COA1: variants seen among roughly 807,000 people sequenced by gnomAD.
COA1 encodes cytochrome c oxidase assembly factor 1 homolog.
COA1 carries 13 observed loss-of-function variants against 16.0 expected under a neutral mutation model. That is an observed-to-expected ratio of 0.81 (90% CI 0.53 to 1.29). The LOEUF (loss-of-function observed/expected upper bound fraction) is 1.29. Ranked by LOEUF, COA1 falls within the 50% of genes most tolerant of loss-of-function variation. The probability of loss-of-function intolerance (pLI) is 0.00; values close to 1 mark genes in which losing one functional copy is unlikely to be tolerated. For synonymous variants in COA1, 65 were observed against 65.7 expected (o/e 0.99, Z 0.05); for missense variants, 179 against 177.0 (o/e 1.01, Z -0.06).
intron 6 of COA1, among the ~76,000 whole-genome samples, chr7:43,633,810 T>G (rs1164400190): frequency 6.6e-6 from 1 of 152,222 alleles, no homozygotes; most frequent in Non-Finnish European, 1.5e-5. Flanking sequence ...AGCCATTTTT[T>G]TTTTCAAATA....
chr7:43,676,171 T>G (rs1196073797), intron 1 of COA1, among the ~76,000 whole-genome samples: 1 of 152,146 alleles, frequency 6.6e-6, no homozygotes, highest in Non-Finnish European at 1.5e-5. Flanking sequence ...TTTCAAAATT[T>G]TAAAAATAGG....
At chr7:43,665,711 A>C (rs889243850) in intron 1 of COA1, 4 of 152,432 alleles carry the variant, frequency 2.6e-5, no homozygotes, top group African/African-American at 7.2e-5. Context: ...GCAGAAGGGG[A>C]AGCAGGCACC....
At chr7:43,643,073 CAGT>C (rs749238600) in intron 4 of COA1, among the ~76,000 whole-genome samples, 34 of 152,300 alleles carry the variant, frequency 2.2e-4, no homozygotes, top group Non-Finnish European at 3.5e-4. Context: ...CATTTGGCCG[CAGT>C]AGAAGCCAGA....
intron 1 of COA1, among the ~76,000 whole-genome samples, chr7:43,684,720 CT>C (rs1349864329): frequency 6.6e-6 from 1 of 152,120 alleles, no homozygotes; most frequent in Non-Finnish European, 1.5e-5. Flanking sequence ...AGTGCATGCT[CT>C]TAACTACCAT....
chr7:43,673,274 T>A (rs118161291), intron 1 of COA1, among the ~76,000 whole-genome samples: 7,269 of 152,280 alleles, frequency 0.048, 247 homozygotes, highest in South Asian at 0.084. Context: ...AACGGTCTAA[T>A]ATCCAGAATC....
rs940563453 is a variant in COA1, at chr7:43,707,146, C to T, written c.-39+22283G>A. Among the ~76,000 whole-genome samples, 8 of 151,494 alleles carry T rather than the reference C, an allele frequency of 5.3e-5. No homozygotes were observed. In the East Asian group the frequency reaches 5.9e-4, roughly 11 times the overall value. On this transcript the variant is annotated intron_variant, in intron 1 of 5. Transcript: ENST00000223336. ...CTGAAGTTGCAGTGAGCCAAGATCA[C>T]GCCACTGCACTCCAGCCTGAGTGAA... is the stretch of plus-strand genomic sequence containing the variant.
intron 1 of COA1, among the ~76,000 whole-genome samples, chr7:43,686,721 GAATT>G (rs141407856): frequency 1.9e-3 from 289 of 152,316 alleles, no homozygotes; most frequent in African/African-American, 5.8e-3. Flanking sequence ...GACTATTCAT[GAATT>G]AATACCTGAA....
chr7:43,647,532 T>TA lies in COA1; in HGVS notation c.115+2dup. ...GGCCGCAGGCGGCTAGCAGGATACTTACTTTGAATGAGGTAATACACAATG... is the reference window on the plus strand; with the variant it reads ...GGCCGCAGGCGGCTAGCAGGATACTTAACTTTGAATGAGGTAATACACAATG... On this transcript the variant is annotated splice_region_variant and intron_variant, in intron 3 of 5. Transcript: ENST00000223336. 1.2e-6 allele frequency: 2 copies of TA among 1,607,060 alleles called. No homozygotes were observed. Among genetic ancestry groups the TA allele is most frequent in the Non-Finnish European group, 1.7e-6 (2 of 1,173,480 alleles).
At chr7:43,636,806 A>C (rs2085948219), downstream of COA1, among the ~76,000 whole-genome samples, 1 of 152,258 alleles carries the variant, frequency 6.6e-6, no homozygotes, top group South Asian at 2.1e-4. Context: ...CTTGAAAGTC[A>C]TACAGGTCTT....
chr7:43,639,568 C>T lies in COA1; in HGVS notation c.*14G>A, dbSNP rs778711047. 6.2e-6 allele frequency: 10 copies of T among 1,609,334 alleles called. 1 individual carries two copies. In the South Asian group the frequency reaches 1.1e-4, roughly 18 times the overall value. ...AGGATGGACTAGAAGCAAGCTGGGT[C>T]TTCTGGGTCGTCTCTACTCCTTTTT... On this transcript the variant is annotated 3_prime_UTR_variant, in exon 6 of 6. Coordinates refer to ENST00000223336, the MANE Select transcript of COA1 (RefSeq NM_018224.4).
chr7:43,716,195 T>C lies in COA1; in HGVS notation c.-39+13234A>G, dbSNP rs530027572. Among the ~76,000 whole-genome samples the C allele has an allele frequency of 9.2e-5, 14 of 152,252 alleles. No homozygotes were observed. In the East Asian group the frequency reaches 9.6e-4, roughly 10 times the overall value. On this transcript the variant is annotated intron_variant, in intron 1 of 5. Transcript: ENST00000223336. ...ATACCCAAAAATGTGGAAGTGACTT[T>C]GGAAGTGAGTAACAAGCAGAGGTTG... is the stretch of plus-strand genomic sequence containing the variant.
chr7:43,670,075 C>T (rs2093162051), intron 1 of COA1, among the ~76,000 whole-genome samples: 1 of 152,028 alleles, frequency 6.6e-6, no homozygotes, highest in African/African-American at 2.4e-5. Flanking sequence ...TAAAGGATTC[C>T]ACTCTTATTT....
intron 5 of COA1, 64 bp downstream of exon 5, chr7:43,640,509 T>G (rs1470260728): frequency 9.3e-7 from 1 of 1,078,338 alleles, no homozygotes; most frequent in Non-Finnish European, 1.4e-6. Flanking sequence ...AAAACGGAGT[T>G]GGGGTTGCTT....
At chr7:43,685,026 G>A (rs2093953890) in intron 1 of COA1, among the ~76,000 whole-genome samples, 1 of 152,046 alleles carries the variant, frequency 6.6e-6, no homozygotes, top group African/African-American at 2.4e-5. Flanking sequence ...GCTCACACCT[G>A]TAATGCCAAT....
intron 1 of COA1, among the ~76,000 whole-genome samples, chr7:43,676,702 G>A (rs142181578): frequency 1.3e-5 from 2 of 152,130 alleles, no homozygotes; most frequent in Non-Finnish European, 2.9e-5. Context: ...TTAGATGATG[G>A]ATATGCTAAT....
intron 1 of COA1, among the ~76,000 whole-genome samples, chr7:43,681,006 C>T (rs3779057): frequency 0.83 from 125,804 of 152,158 alleles, 52,439 homozygotes; most frequent in African/African-American, 0.94. Flanking sequence ...AAGAAAGTTT[C>T]CTTCTGCTTT....
intron 1 of COA1, among the ~76,000 whole-genome samples, chr7:43,716,477 AT>A (rs199539093): frequency 0.036 from 5,512 of 152,216 alleles, 309 homozygotes; most frequent in African/African-American, 0.12. Flanking sequence ...GAGAGAGATG[AT>A]TTTTAGGGTA....
chr7:43,723,707 G>A (rs554227213), intron 1 of COA1, among the ~76,000 whole-genome samples: 18 of 151,404 alleles, frequency 1.2e-4, no homozygotes, highest in Non-Finnish European at 2.5e-4. Context: ...TGGGCGGATC[G>A]CTTGAGCTCA....
At chr7:43,616,348 C>G (rs939303173) in intron 6 of COA1, among the ~76,000 whole-genome samples, 2 of 152,182 alleles carry the variant, frequency 1.3e-5, no homozygotes, top group African/African-American at 4.8e-5. Context: ...TATACTACCA[C>G]TAGTCCTAAC....
Sources: gnomAD v4.1 joint callset for allele counts (sites outside exome capture counted in the v4.1 genomes callset) on GRCh38, gnomAD v4.1.1 for gene constraint, MANE v1.5 for transcripts, NCBI Gene and HGNC (gene_info 2026-07-23, HGNC 2026-07-21) for gene names.